VAMP4: variants seen among roughly 807,000 people sequenced by gnomAD.
VAMP4 encodes vesicle-associated membrane protein 4.
A neutral mutation model predicts 23.5 loss-of-function variants in VAMP4; 19 were observed. That is an observed-to-expected ratio of 0.81 (90% CI 0.56 to 1.19). VAMP4 has a LOEUF of 1.19. Among genes scored for constraint, VAMP4 ranks in the 50% most tolerant of loss-of-function variants. The pLI is 0.00. For missense variants in VAMP4, 145 were observed against 168.6 expected, an observed-to-expected ratio of 0.86 and a Z score of 0.78; for synonymous variants, 31 against 51.0, an observed-to-expected ratio of 0.61 and a Z score of 1.67.
chr1:171,722,747 C>G (rs1056415824), intron 3 of VAMP4, among the ~76,000 whole-genome samples: 1 of 152,126 alleles, frequency 6.6e-6, no homozygotes, highest in Non-Finnish European at 1.5e-5. Flanking sequence ...ATTAAAAAGT[C>G]AGGAAACAAC....
chr1:171,726,283 C>T (rs562494790), intron 3 of VAMP4, among the ~76,000 whole-genome samples: 102 of 152,228 alleles, frequency 6.7e-4, no homozygotes, highest in African/African-American at 2.2e-3. Flanking sequence ...AACTCCTGAC[C>T]TTGTGATCCG....
intron 4 of VAMP4, among the ~76,000 whole-genome samples, chr1:171,715,972 G>A (rs1437231607): frequency 1.3e-5 from 2 of 152,156 alleles, no homozygotes; most frequent in African/African-American, 4.8e-5. Flanking sequence ...CTGCACTCTA[G>A]CCTGGGTGAT....
At chr1:171,741,545 T>C (rs138513941) in intron 1 of VAMP4, among the ~76,000 whole-genome samples, 2 of 143,248 alleles carry the variant, frequency 1.4e-5, no homozygotes, top group East Asian at 4.2e-4. Context: ...CGTCCCACGA[T>C]ATATCTGCTC....
chr1:171,736,133 C>T (rs1370643797), intron 2 of VAMP4, among the ~76,000 whole-genome samples: 1 of 152,084 alleles, frequency 6.6e-6, no homozygotes, highest in Non-Finnish European at 1.5e-5. Flanking sequence ...GTGATCTGCC[C>T]GCCTCGGCCT....
At chr1:171,740,036 C>T (rs139843661) in intron 1 of VAMP4, among the ~76,000 whole-genome samples, 173 of 152,306 alleles carry the variant, frequency 1.1e-3, no homozygotes, top group African/African-American at 3.9e-3. Flanking sequence ...GTGCTAGGCA[C>T]GGTGCTCAGT....
chr1:171,735,477 C>A (rs79397683), intron 2 of VAMP4, among the ~76,000 whole-genome samples: 1 of 152,156 alleles, frequency 6.6e-6, no homozygotes, highest in Non-Finnish European at 1.5e-5. Context: ...TCATCTTACA[C>A]AAAGGCAGAT....
At chr1:171,730,912 A>G (rs1159324510) in intron 2 of VAMP4, among the ~76,000 whole-genome samples, 1 of 152,134 alleles carries the variant, frequency 6.6e-6, no homozygotes, top group Non-Finnish European at 1.5e-5. Flanking sequence ...AAATGAAAGA[A>G]GGATGTATTC....
intron 2 of VAMP4, among the ~76,000 whole-genome samples, chr1:171,737,036 A>G (rs959248141): frequency 6.6e-6 from 1 of 152,228 alleles, no homozygotes; most frequent in Non-Finnish European, 1.5e-5. Flanking sequence ...ACAAAGGGTT[A>G]GAATAAGGGG....
At chr1:171,737,787 T>C (rs1402479361) in intron 2 of VAMP4, among the ~76,000 whole-genome samples, 1 of 152,208 alleles carries the variant, frequency 6.6e-6, no homozygotes, top group Non-Finnish European at 1.5e-5. Flanking sequence ...AATAAGATAT[T>C]GTGTATTTGT....
chr1:171,734,891 A>G (rs1329267104), intron 2 of VAMP4, among the ~76,000 whole-genome samples: 3 of 152,186 alleles, frequency 2.0e-5, no homozygotes, highest in African/African-American at 7.2e-5. Context: ...AAATGTATTC[A>G]TAAAGCTTAT....
intron 3 of VAMP4, among the ~76,000 whole-genome samples, chr1:171,727,700 TC>T (rs1166156161): frequency 2.0e-5 from 3 of 151,974 alleles, no homozygotes; most frequent in African/African-American, 4.8e-5. Flanking sequence ...AACCCAAAAA[TC>T]CACACATAAG....
In VAMP4 at chr1:171,719,206, T is replaced by C. The variant is rs1655111505; in HGVS notation, c.129A>G (p.Gly43=). Residue 43 remains glycine (G), a synonymous_variant, in exon 4 of 8, where the codon GGA becomes GGG. Transcript: ENST00000236192. ...EEDFFLRGPS[G]PRFGPRNDKI... is the part of the protein sequence containing the mutation. ...TATCATTTCTAGGTCCAAATCTTGG[T>C]CCAGATGGTCCCCTTCTGAAAACAA... 1.9e-6 allele frequency: 3 copies of C among 1,611,518 alleles called. No homozygotes were observed. Among genetic ancestry groups the C allele is most frequent in the Non-Finnish European group, 2.5e-6 (3 of 1,178,806 alleles).
intron 4 of VAMP4, among the ~76,000 whole-genome samples, chr1:171,714,500 G>T (rs1185719588): frequency 2.6e-5 from 4 of 152,214 alleles, no homozygotes; most frequent in Non-Finnish European, 5.9e-5. Context: ...GGCTAGGTGT[G>T]GTGGCTCAGG....
intron 3 of VAMP4, among the ~76,000 whole-genome samples, chr1:171,725,666 T>C (rs1558111785): frequency 6.6e-6 from 1 of 152,184 alleles, no homozygotes; most frequent in Non-Finnish European, 1.5e-5. Context: ...CTGTAAGCTC[T>C]TTCTTCACTG....
intron 3 of VAMP4, among the ~76,000 whole-genome samples, chr1:171,722,181 C>T (rs902158062): frequency 5.3e-5 from 8 of 151,990 alleles, no homozygotes; most frequent in Middle Eastern, 3.2e-3. Context: ...ATAAATGGTG[C>T]TGGGAAAACT....
chr1:171,736,102 G>A (rs1373840294), intron 2 of VAMP4, among the ~76,000 whole-genome samples: 1 of 152,120 alleles, frequency 6.6e-6, no homozygotes, highest in African/African-American at 2.4e-5. Flanking sequence ...GGCCAGACTG[G>A]TCTTGAATTC....
Position 171,704,376 on chromosome 1 carries a change from G to A in VAMP4, c.*130C>T. 1.8e-6 allele frequency: 1 copy of A among 571,362 alleles called. No homozygotes were observed. The highest frequency in any genetic ancestry group is 2.7e-6 in the Non-Finnish European group (1 of 364,934). 35.4% of individuals were successfully genotyped at this position (571,362 alleles called of 1,614,324 possible). A position where few individuals can be genotyped will look rare whatever the true frequency, so the allele number is the denominator to read the frequency against. ...GACATTCTCAACGTTCCAATTTGAA[G>A]TGATACTTGCCTCTTAGTTTCTTGA... On this transcript the variant is annotated 3_prime_UTR_variant, in exon 8 of 8. Transcript: ENST00000236192.
At chr1:171,726,078 G>A (rs1359390133) in intron 3 of VAMP4, among the ~76,000 whole-genome samples, 1 of 151,690 alleles carries the variant, frequency 6.6e-6, no homozygotes, top group African/African-American at 2.4e-5. Flanking sequence ...GGGGGGCGAA[G>A]TATCACTCTG....
rs1655451049 is a variant in VAMP4, at chr1:171,728,590, A to G, written c.67-20T>C. The stretch of plus-strand genomic sequence containing the variant: ...ATTTCTCTGTCAAAAAAAGAAAAAG[A>G]CTTGAGTTTTCAGATTCAGAGGGCT... On this transcript the variant is annotated intron_variant, in intron 2 of 7. Coordinates refer to ENST00000236192, the MANE Select transcript of VAMP4 (RefSeq NM_003762.5). 1.3e-6 allele frequency: 2 copies of G among 1,558,186 alleles called. No individual in the cohort carries two copies. Among genetic ancestry groups the G allele is most frequent in the African/African-American group, 1.4e-5 (1 of 72,070 alleles).
Sources: gnomAD v4.1 joint callset for allele counts (sites outside exome capture counted in the v4.1 genomes callset) on GRCh38, gnomAD v4.1.1 for gene constraint, MANE v1.5 for transcripts, NCBI Gene and HGNC (gene_info 2026-07-23, HGNC 2026-07-21) for gene names.